GRIA3: variants seen among roughly 807,000 people sequenced by gnomAD.
The protein encoded by GRIA3 is glutamate receptor 3.
In GRIA3, 3 loss-of-function variants were observed where a neutral mutation model predicts 63.0. The ratio of observed to expected loss-of-function variants is 0.05; its 90% CI spans 0.02 to 0.12. GRIA3 has a LOEUF of 0.12. Ranked by LOEUF, GRIA3 falls within the 10% of genes least tolerant of loss-of-function variation. GRIA3 has a pLI of 1.00. For missense variants in GRIA3, 347 were observed against 700.9 expected (o/e 0.50, Z 5.70); for synonymous variants, 274 against 257.9 (o/e 1.06, Z -0.60).
chrX:123,225,726 G>C (rs1461715877), intron 2 of GRIA3, among the ~76,000 whole-genome samples: 1 of 111,527 alleles, frequency 9.0e-6, no homozygotes, highest in East Asian at 2.8e-4. Flanking sequence ...AACTTTTAAG[G>C]TGTAATGGTA....
intron 5 of GRIA3, among the ~76,000 whole-genome samples, chrX:123,387,937 G>T (rs1242005687): frequency 8.9e-6 from 1 of 111,931 alleles, no homozygotes; most frequent in African/African-American, 3.2e-5. Flanking sequence ...AGTAATGCTG[G>T]CATCATAGAA....
At chrX:123,371,950 C>T (rs1445533925) in intron 5 of GRIA3, among the ~76,000 whole-genome samples, 1 of 110,864 alleles carries the variant, frequency 9.0e-6, no homozygotes, top group Non-Finnish European at 1.9e-5. Context: ...AAATTTTTGC[C>T]CAGACCAACG....
chrX:123,361,706 C>T (rs1331335771), intron 5 of GRIA3, among the ~76,000 whole-genome samples: 6 of 111,246 alleles, frequency 5.4e-5, no homozygotes, highest in African/African-American at 1.6e-4. Context: ...TCTCTTCTCT[C>T]TCTCCCCTGC....
intron 12 of GRIA3, among the ~76,000 whole-genome samples, chrX:123,456,318 T>C (rs1412216050): frequency 2.7e-5 from 3 of 110,889 alleles, no homozygotes; most frequent in Non-Finnish European, 5.7e-5. Context: ...GAAAGCTTTA[T>C]GGAAATATAA....
chrX:123,362,909 T>C (rs1046022499), intron 5 of GRIA3, among the ~76,000 whole-genome samples: 2 of 112,906 alleles, frequency 1.8e-5, no homozygotes, highest in Non-Finnish European at 3.7e-5. Flanking sequence ...CTAAGTATGT[T>C]TGTTGGTCAG....
intron 5 of GRIA3, among the ~76,000 whole-genome samples, chrX:123,365,998 G>A (rs2045207894): frequency 9.0e-6 from 1 of 111,478 alleles, no homozygotes; most frequent in Admixed American, 9.5e-5. Flanking sequence ...CCAGAACTGA[G>A]GGTTCCTCCC....
intron 10 of GRIA3, among the ~76,000 whole-genome samples, chrX:123,411,897 T>C (rs2045508754): frequency 9.0e-6 from 1 of 110,859 alleles, no homozygotes. Flanking sequence ...CTATTACCAG[T>C]GCAAGCAGAG....
chrX:123,295,060 C>T (rs1301900737), intron 3 of GRIA3, among the ~76,000 whole-genome samples: 2 of 111,574 alleles, frequency 1.8e-5, no homozygotes, highest in African/African-American at 6.5e-5. Context: ...TATTAGAAGG[C>T]TCCCCTGATA....
intron 10 of GRIA3, among the ~76,000 whole-genome samples, chrX:123,409,407 T>A (rs1263925498): frequency 8.9e-6 from 1 of 112,260 alleles, no homozygotes; most frequent in African/African-American, 3.2e-5. Flanking sequence ...ATAGGTTTTT[T>A]TCTAAGGAAA....
chrX:123,436,140 A>G (rs1445984586), intron 12 of GRIA3, among the ~76,000 whole-genome samples: 1 of 111,162 alleles, frequency 9.0e-6, no homozygotes, highest in Non-Finnish European at 1.9e-5. Context: ...AAGTTTACCT[A>G]TGTTATAAAC....
chrX:123,352,695 C>T (rs1305563603), intron 4 of GRIA3, among the ~76,000 whole-genome samples: 1 of 111,429 alleles, frequency 9.0e-6, no homozygotes, highest in Non-Finnish European at 1.9e-5. Context: ...AAGAATATTG[C>T]TCATTTTTCT....
At chrX:123,400,121 C>G (rs1431671508) in intron 7 of GRIA3, among the ~76,000 whole-genome samples, 2 of 111,244 alleles carry the variant, frequency 1.8e-5, no homozygotes. Context: ...CAAGAGCCAG[C>G]ATCTCCAATT....
chrX:123,217,698 A>G (rs1928193845), intron 2 of GRIA3, among the ~76,000 whole-genome samples: 1 of 112,502 alleles, frequency 8.9e-6, no homozygotes, highest in African/African-American at 3.2e-5. Flanking sequence ...CCTCTTAGCA[A>G]CAGAGTACTT....
chrX:123,474,432 C>T (rs963752688), intron 13 of GRIA3, among the ~76,000 whole-genome samples: 14 of 111,114 alleles, frequency 1.3e-4, no homozygotes, highest in Middle Eastern at 4.2e-3. Context: ...ACCTGTAATC[C>T]CAGCACTTTG....
At chrX:123,461,322 C>G (rs1478808429) in intron 12 of GRIA3, among the ~76,000 whole-genome samples, 1 of 112,216 alleles carries the variant, frequency 8.9e-6, no homozygotes, top group East Asian at 2.8e-4. Context: ...TCAACTCACC[C>G]TACTGCAATT....
At chrX:123,278,270 AT>A (rs1278481277) in intron 3 of GRIA3, among the ~76,000 whole-genome samples, 2 of 111,961 alleles carry the variant, frequency 1.8e-5, no homozygotes, top group East Asian at 5.6e-4. Flanking sequence ...CTATACCACC[AT>A]TTGTTTTTAT....
chrX:123,365,522 T>C (rs1192715563), intron 5 of GRIA3, among the ~76,000 whole-genome samples: 1 of 111,567 alleles, frequency 9.0e-6, no homozygotes, highest in Non-Finnish European at 1.9e-5. Flanking sequence ...TAATAGAAAG[T>C]AGGGACTCAT....
intron 2 of GRIA3, among the ~76,000 whole-genome samples, chrX:123,189,376 G>A (rs1360003275): frequency 2.7e-5 from 3 of 112,237 alleles, no homozygotes; most frequent in African/African-American, 9.7e-5. Context: ...TTCAGGGCAG[G>A]GGTGTGGAAA....
At chrX:123,480,351 A>G (rs1166729783) in intron 14 of GRIA3, among the ~76,000 whole-genome samples, 174 bp downstream of exon 14, 1 of 111,881 alleles carries the variant, frequency 8.9e-6, no homozygotes, top group Non-Finnish European at 1.9e-5. Context: ...GGCCTGCCAC[A>G]TGACATCAAT....
Sources: gnomAD v4.1 joint callset for allele counts (sites outside exome capture counted in the v4.1 genomes callset) on GRCh38, gnomAD v4.1.1 for gene constraint, MANE v1.5 for transcripts, NCBI Gene and HGNC (gene_info 2026-07-23, HGNC 2026-07-21) for gene names.